EDIL3: variants seen among roughly 807,000 people sequenced by gnomAD.
The protein encoded by EDIL3 is EGF like and discoidin domains 3, also known as EGF-like repeat and discoidin I-like domain-containing protein 3.
A neutral mutation model predicts 67.4 loss-of-function variants in EDIL3; 37 were observed. The ratio of observed to expected loss-of-function variants is 0.55; its 90% CI spans 0.42 to 0.72. The LOEUF is 0.72. Among genes scored for constraint, EDIL3 ranks in the 30% least tolerant of loss-of-function variants. The probability of loss-of-function intolerance (pLI) is 0.00; values close to 1 mark genes in which losing one functional copy is unlikely to be tolerated. For synonymous variants in EDIL3, 195 were observed against 196.3 expected, an observed-to-expected ratio of 0.99 and a Z score of 0.05; for missense variants, 527 against 586.3, an observed-to-expected ratio of 0.90 and a Z score of 1.04.
In EDIL3 at chr5:83,967,218, G is replaced by A. The variant is rs147717278; in HGVS notation, c.1138-3858C>T. Among the ~76,000 whole-genome samples, 88 of 152,216 alleles carry A rather than the reference G, an allele frequency of 5.8e-4. 1 individual carries two copies. In the East Asian group the frequency reaches 8.3e-3, roughly 14 times the overall value. Reference sequence around the variant, plus strand: ...CACCTGTAGTCCCAGCTACTTGGGAGGTTGAGGTGGCAGGAGGGCTTGAGC... The same window carrying A: ...CACCTGTAGTCCCAGCTACTTGGGAAGTTGAGGTGGCAGGAGGGCTTGAGC... On this transcript the variant is annotated intron_variant, in intron 9 of 10. Transcript: ENST00000296591.
intron 3 of EDIL3, among the ~76,000 whole-genome samples, chr5:84,214,520 A>C (rs1744187993): frequency 6.6e-6 from 1 of 151,860 alleles, no homozygotes; most frequent in African/African-American, 2.4e-5. Flanking sequence ...TTTCTTGTTC[A>C]AATATTTTCA....
At chr5:84,015,453 T>C (rs768232764) in intron 9 of EDIL3, among the ~76,000 whole-genome samples, 1 of 152,154 alleles carries the variant, frequency 6.6e-6, no homozygotes, top group Non-Finnish European at 1.5e-5. Flanking sequence ...CTTTATCATT[T>C]TTCAAAGATT....
At chr5:84,129,095 T>C (rs1422812781) in intron 5 of EDIL3, among the ~76,000 whole-genome samples, 1 of 152,122 alleles carries the variant, frequency 6.6e-6, no homozygotes, top group African/African-American at 2.4e-5. Flanking sequence ...ACCTTCAAAG[T>C]GTGATAATTC....
rs372593756 is a variant in EDIL3 at position 84,376,209 on chromosome 5, AC to A, written c.67+8098del. Among the ~76,000 whole-genome samples, 36 of 152,308 alleles carry A rather than the reference AC, an allele frequency of 2.4e-4. No homozygotes were observed. In the South Asian group the frequency reaches 7.2e-3, roughly 31 times the overall value. On this transcript the variant is annotated intron_variant, in intron 1 of 10. Coordinates refer to ENST00000296591, the MANE Select transcript of EDIL3 (RefSeq NM_005711.5). ...TTGAGAATTAAAGATGATAATTAGA[AC>A]AGTGGAACACATAGTATGCAGTCAA...
intron 1 of EDIL3, among the ~76,000 whole-genome samples, chr5:84,369,948 T>C (rs894595349): frequency 8.5e-5 from 13 of 152,154 alleles, no homozygotes; most frequent in African/African-American, 3.1e-4. Flanking sequence ...TACAAAATAC[T>C]TGAAATTTTA....
At chr5:84,010,998 C>T (rs1745507848) in intron 9 of EDIL3, among the ~76,000 whole-genome samples, 1 of 152,080 alleles carries the variant, frequency 6.6e-6, no homozygotes, top group Admixed American at 6.6e-5. Flanking sequence ...TGAAACAAGT[C>T]CTTATAAAAA....
At chr5:84,304,510 C>T (rs956793778) in intron 1 of EDIL3, among the ~76,000 whole-genome samples, 13 of 152,178 alleles carry the variant, frequency 8.5e-5, no homozygotes, top group African/African-American at 3.1e-4. Context: ...ACTTCTCTTG[C>T]TTTAATGAAG....
At chr5:84,044,287 AC>A (rs1746182788) in intron 9 of EDIL3, among the ~76,000 whole-genome samples, 1 of 152,206 alleles carries the variant, frequency 6.6e-6, no homozygotes. Context: ...TCCCTTTCCT[AC>A]AGGACTCTTA....
At chr5:84,053,876 G>A (rs1479590824) in intron 9 of EDIL3, among the ~76,000 whole-genome samples, 1 of 152,228 alleles carries the variant, frequency 6.6e-6, no homozygotes, top group East Asian at 1.9e-4. Context: ...TTCTACCAGA[G>A]GTACAAGGAG....
At chr5:84,216,753 C>A (rs1744234397) in intron 3 of EDIL3, among the ~76,000 whole-genome samples, 1 of 152,020 alleles carries the variant, frequency 6.6e-6, no homozygotes, top group South Asian at 2.1e-4. Context: ...TGGCAAACAG[C>A]AAAGAGAATA....
At chr5:84,345,263 A>C (rs1427014802) in intron 1 of EDIL3, among the ~76,000 whole-genome samples, 1 of 152,130 alleles carries the variant, frequency 6.6e-6, no homozygotes, top group Non-Finnish European at 1.5e-5. Context: ...GAGACATCCT[A>C]AGCATATTCT....
chr5:84,137,212 C>T (rs762180472), intron 5 of EDIL3, 29 bp downstream of exon 5: 63 of 1,520,858 alleles, frequency 4.1e-5, no homozygotes, highest in African/African-American at 1.4e-5. Context: ...CACACACACA[C>T]ACACACATAC....
At chr5:84,319,123 G>A (rs1250679961) in intron 1 of EDIL3, among the ~76,000 whole-genome samples, 2 of 151,818 alleles carry the variant, frequency 1.3e-5, no homozygotes, top group Non-Finnish European at 2.9e-5. Flanking sequence ...ACACCAGCTA[G>A]AATGGCGATC....
chr5:84,265,787 T>C (rs959379301), intron 1 of EDIL3, among the ~76,000 whole-genome samples: 1 of 152,200 alleles, frequency 6.6e-6, no homozygotes, highest in African/African-American at 2.4e-5. Flanking sequence ...GTTATTCAGA[T>C]TTAATGGCTA....
chr5:84,056,790 C>A (rs1401812417), intron 9 of EDIL3, among the ~76,000 whole-genome samples: 1 of 152,034 alleles, frequency 6.6e-6, no homozygotes, highest in South Asian at 2.1e-4. Context: ...AGAACTGATG[C>A]ATTTTAGTTA....
chr5:84,176,332 A>G (rs1211329504), intron 4 of EDIL3, among the ~76,000 whole-genome samples: 2 of 80,088 alleles, frequency 2.5e-5, no homozygotes, highest in African/African-American at 9.3e-5. Context: ...TATATTAGGG[A>G]GCCTTTTATC....
chr5:84,060,525 A>G (rs751014408), intron 8 of EDIL3, 41 bp from the exon 9 acceptor site: 1 of 1,605,858 alleles, frequency 6.2e-7, no homozygotes, highest in East Asian at 2.2e-5. Flanking sequence ...AAAATAATTG[A>G]TCACCTGGAA....
intron 1 of EDIL3, among the ~76,000 whole-genome samples, chr5:84,256,033 A>T (rs1745115981): frequency 6.6e-6 from 1 of 152,176 alleles, no homozygotes; most frequent in Non-Finnish European, 1.5e-5. Flanking sequence ...TTAAGAAGAC[A>T]ATCCTGGCAG....
rs751286945 is a variant in EDIL3, at chr5:84,075,483, C to CTTCTTATTATTA, written c.652-8878_652-8877insTAATAATAAGAA. On this transcript the variant is annotated intron_variant, in intron 6 of 10. Coordinates refer to ENST00000296591, the MANE Select transcript of EDIL3 (RefSeq NM_005711.5). ...GGGGCTTCTTCTTCTTCTTCTTCTT[C>CTTCTTATTATTA]TTATTATTTTGAGACGGAGTCTTCC... Among the ~76,000 whole-genome samples, 45 of 151,092 alleles carry CTTCTTATTATTA rather than the reference C, an allele frequency of 3.0e-4. No homozygotes were observed. In the East Asian group the frequency reaches 6.3e-3, roughly 21 times the overall value.
Sources: allele counts gnomAD v4.1 joint callset (sites outside exome capture counted in the v4.1 genomes callset), GRCh38; gene constraint gnomAD v4.1.1; transcripts MANE v1.5; gene names NCBI Gene and HGNC (gene_info 2026-07-23, HGNC 2026-07-21).